Variants in MAX observed in about 807,000 individuals in gnomAD.
MAX encodes the protein protein max.
In MAX, 3 loss-of-function variants were observed where a neutral mutation model predicts 22.3. The ratio of observed to expected loss-of-function variants is 0.13; its 90% CI spans 0.06 to 0.35. The LOEUF is 0.35. MAX is among the 10% of genes least tolerant of loss of function. The pLI, the probability that MAX is intolerant of heterozygous loss-of-function variation, is 1.00. For synonymous variants in MAX, 72 were observed against 77.7 expected (o/e 0.93, Z 0.39); for missense variants, 119 against 209.4 (o/e 0.57, Z 2.66).
intron 3 of MAX, among the ~76,000 whole-genome samples, chr14:65,010,211 A>G (rs191872399): frequency 5.3e-5 from 8 of 152,256 alleles, no homozygotes; most frequent in Admixed American, 1.3e-4. Flanking sequence ...CTTCCCTAGC[A>G]TATGTAAACT....
At chr14:65,038,137 G>A (rs1227823100) in intron 3 of MAX, among the ~76,000 whole-genome samples, 1 of 152,164 alleles carries the variant, frequency 6.6e-6, no homozygotes, top group African/African-American at 2.4e-5. Context: ...GAGGCTGGGC[G>A]TGGTGGCTCA....
rs2063865639 is a variant in MAX at position 65,102,170 on chromosome 14, G to A, written c.36+134C>T. 3.3e-6 allele frequency: 5 copies of A among 1,495,490 alleles called. No individual in the cohort carries two copies. In the Admixed American group the frequency reaches 6.0e-5, roughly 18 times the overall value. 92.6% of individuals were successfully genotyped at this position (1,495,490 alleles called of 1,614,324 possible). On this transcript the variant is annotated intron_variant, in intron 1 of 4. Transcript: ENST00000358664. The stretch of plus-strand genomic sequence containing the variant: ...GGAGCGAACCGGGAACGCGACGGAG[G>A]CACTCCTGGCCCCGAGGGGAAGGGG...
At chr14:65,045,125 A>G (rs949725961) in intron 3 of MAX, among the ~76,000 whole-genome samples, 1 of 152,058 alleles carries the variant, frequency 6.6e-6, no homozygotes. Context: ...GTCTGGGAAC[A>G]TTCTCTCTCT....
At chr14:65,013,035 G>A (rs907964425) in intron 3 of MAX, among the ~76,000 whole-genome samples, 3 of 152,148 alleles carry the variant, frequency 2.0e-5, no homozygotes, top group African/African-American at 4.8e-5. Flanking sequence ...GGGACTGAGC[G>A]GCAGGCAAAG....
Position 65,102,297 on chromosome 14 carries a change from G to T in MAX, c.36+7C>A. 1 of 1,613,778 alleles carries T rather than the reference G, an allele frequency of 6.2e-7. No individual in the cohort carries two copies. The highest frequency in any genetic ancestry group is 8.5e-7 in the Non-Finnish European group (1 of 1,179,760). On this transcript the variant is annotated splice_region_variant and intron_variant, in intron 1 of 4. Coordinates refer to ENST00000358664, the MANE Select transcript of MAX (RefSeq NM_002382.5). ...CCGCACGGGAAGGAAGAAGCCCCAG[G>T]ACTCACGTCGCTCTCCACCTCGATG... is the stretch of plus-strand genomic sequence containing the variant.
intron 2 of MAX, among the ~76,000 whole-genome samples, chr14:65,094,783 C>T (rs1470054232): frequency 6.6e-6 from 1 of 152,242 alleles, no homozygotes; most frequent in African/African-American, 2.4e-5. Context: ...GGGGTCTCCC[C>T]TCCAAATGGA....
intron 3 of MAX, among the ~76,000 whole-genome samples, chr14:65,051,995 C>A (rs951954237): frequency 1.3e-5 from 2 of 151,964 alleles, no homozygotes; most frequent in Admixed American, 1.3e-4. Flanking sequence ...CAGGGTTTCA[C>A]CGTGTTAGCC....
At chr14:65,100,836 T>C (rs2063810716) in intron 2 of MAX, among the ~76,000 whole-genome samples, 1 of 152,234 alleles carries the variant, frequency 6.6e-6, no homozygotes. Context: ...CAGAACCATC[T>C]ACTGAGAACA....
intron 3 of MAX, among the ~76,000 whole-genome samples, chr14:65,013,325 CT>C (rs11413261): frequency 3.1e-4 from 46 of 146,744 alleles, no homozygotes; most frequent in Admixed American, 3.4e-4. Context: ...TCTTTGTTTC[CT>C]TTTTTTTTTT....
rs896571464 is a variant in MAX at position 65,032,154 on chromosome 14, C to T, written c.172-25870G>A. Among the ~76,000 whole-genome samples the T allele has an allele frequency of 1.3e-5, 2 of 151,980 alleles. No homozygotes were observed. Among genetic ancestry groups the T allele is most frequent in the Non-Finnish European group, 2.9e-5 (2 of 68,002 alleles). On this transcript the variant is annotated intron_variant, in intron 3 of 3. Coordinates refer to the MAX transcript ENST00000341653. This position sits in a 1 kb window ranked among gnomAD's most constrained non-coding sequence, Gnocchi z 5.0. ...GGCCTGTTTTGCAGTTTATCTGTTG[C>T]AGAAAAAGTATAGTTAATCTTTAAT...
chr14:65,080,976 G>A (rs547595090), intron 3 of MAX, among the ~76,000 whole-genome samples: 2 of 152,334 alleles, frequency 1.3e-5, no homozygotes, highest in African/African-American at 4.8e-5. Context: ...CCAGAAGAGA[G>A]AAAAAGATCT....
chr14:65,030,828 G>A lies in MAX; in HGVS notation c.172-24544C>T, dbSNP rs1229890048. ...ATACTTTTTGTTTGTTTTGTTTTGAGATGGAGTTTCTTTCTGTTGCCCAGG... is the reference window on the plus strand; with the variant it reads ...ATACTTTTTGTTTGTTTTGTTTTGAAATGGAGTTTCTTTCTGTTGCCCAGG... On this transcript the variant is annotated intron_variant, in intron 3 of 3. Coordinates refer to the MAX transcript ENST00000341653. The surrounding 1 kb of genome is among the most constrained non-coding windows in gnomAD (Gnocchi z 4.5). Among the ~76,000 whole-genome samples, 2 of 152,030 alleles carry A rather than the reference G, an allele frequency of 1.3e-5. No homozygotes were observed. Among genetic ancestry groups the A allele is most frequent in the Non-Finnish European group, 2.9e-5 (2 of 67,994 alleles).
At chr14:65,065,756 G>A (rs1448668397) in intron 3 of MAX, among the ~76,000 whole-genome samples, 1 of 152,166 alleles carries the variant, frequency 6.6e-6, no homozygotes, top group African/African-American at 2.4e-5. Flanking sequence ...TTTACCTGCT[G>A]CTTAAAAAGT....
intron 2 of MAX, 84 bp downstream of exon 2, chr14:65,101,462 T>C (rs878933574): frequency 4.1e-5 from 49 of 1,202,286 alleles, no homozygotes; most frequent in Admixed American, 3.1e-4. Flanking sequence ...TTAAAAGTAA[T>C]AGTACGATCT....
chr14:65,032,681 C>A lies in MAX; in HGVS notation c.172-26397G>T. The stretch of plus-strand genomic sequence containing the variant: ...ACTCCAGACCTCTTTGAGGGCACTG[C>A]TGAATGGATAGCAAGGTGAGAGAAG... On this transcript the variant is annotated intron_variant, in intron 3 of 3. Transcript: ENST00000341653. This position sits in a 1 kb window ranked among gnomAD's most constrained non-coding sequence, Gnocchi z 5.0. 1 of 1,613,816 alleles carries A rather than the reference C, an allele frequency of 6.2e-7. No homozygotes were observed.
chr14:65,028,976 G>A lies in MAX; in HGVS notation c.172-22692C>T, dbSNP rs1382439503. On this transcript the variant is annotated intron_variant, in intron 3 of 3. Transcript: ENST00000341653. This position sits in a 1 kb window ranked among gnomAD's most constrained non-coding sequence, Gnocchi z 4.4. ...TTTGGTATTTTATCATATACCTTTT[G>A]CAGCTGTGATTATTTGCTATCTTAT... 3.3e-5 allele frequency among the ~76,000 whole-genome samples: 5 copies of A among 152,038 alleles called. No homozygotes were observed. The highest frequency in any genetic ancestry group is 5.9e-5 in the Non-Finnish European group (4 of 68,004).
At chr14:65,065,437 T>G (rs2062921918) in intron 3 of MAX, among the ~76,000 whole-genome samples, 1 of 152,178 alleles carries the variant, frequency 6.6e-6, no homozygotes, top group Non-Finnish European at 1.5e-5. Context: ...GATCTCGTCG[T>G]TGTGTGAACA....
At position 65,012,432 on chromosome 14, in the gene MAX, C is replaced by T; in HGVS notation, c.172-6148G>A. 1 of 1,610,450 alleles carries T rather than the reference C, an allele frequency of 6.2e-7. No individual in the cohort carries two copies. Among genetic ancestry groups the T allele is most frequent in the Non-Finnish European group, 8.5e-7 (1 of 1,176,966 alleles). On this transcript the variant is annotated intron_variant, in intron 3 of 3. Coordinates refer to the MAX transcript ENST00000341653. This position sits in a 1 kb window ranked among gnomAD's most constrained non-coding sequence, Gnocchi z 5.0. Reference sequence around the variant, plus strand: ...GAACTCTTGCTGTCAAATTATCCACCAAATCCTCCTCCTTTTTCTATTTAA... The same window carrying T: ...GAACTCTTGCTGTCAAATTATCCACTAAATCCTCCTCCTTTTTCTATTTAA...
At chr14:65,037,408 T>TC (rs2062222624) in intron 3 of MAX, among the ~76,000 whole-genome samples, 1 of 43,144 alleles carries the variant, frequency 2.3e-5, no homozygotes, top group Non-Finnish European at 4.4e-5. Flanking sequence ...GGGCCCTTTT[T>TC]TTTTTTTTTT....
Sources: allele counts gnomAD v4.1 joint callset (sites outside exome capture counted in the v4.1 genomes callset), GRCh38; gene constraint gnomAD v4.1.1; non-coding constraint Gnocchi (gnomAD v3.1); transcripts MANE v1.5; gene names NCBI Gene and HGNC (gene_info 2026-07-23, HGNC 2026-07-21).